OR7A5: variants seen among roughly 807,000 people sequenced by gnomAD.
OR7A5 encodes the protein olfactory receptor family 7 subfamily A member 5, also known as olfactory receptor 7A5.
For missense variants in OR7A5, 319 were observed against 377.9 expected, an observed-to-expected ratio of 0.84 and a Z score of 1.29; for synonymous variants, 140 against 146.7, an observed-to-expected ratio of 0.95 and a Z score of 0.33.
intron 1 of OR7A5, among the ~76,000 whole-genome samples, chr19:14,833,930 TC>T (rs2044858991): frequency 6.6e-6 from 1 of 152,158 alleles, no homozygotes; most frequent in Non-Finnish European, 1.5e-5. Context: ...TGTCATAATG[TC>T]TTGTGGAAAC....
chr19:14,828,196 C>T lies in OR7A5; in HGVS notation c.46G>A (p.Gly16Arg), dbSNP rs778755183. The change falls in exon 2 of 2, where the codon GGA (glycine) becomes AGA (arginine). Residue 16 changes from glycine (G) to arginine (R), a missense_variant. Coordinates refer to ENST00000322301, the MANE Select transcript of OR7A5 (RefSeq NM_017506.2). ...DTQISEFLLL[G>R]FSQEPGLQPF... ...TGCAGTCCAGGTTCTTGTGAAAATCCCAGAAGAAGAAATTCTGAAATTTGT... is the reference window on the plus strand; with the variant it reads ...TGCAGTCCAGGTTCTTGTGAAAATCTCAGAAGAAGAAATTCTGAAATTTGT... 1 of 1,612,964 alleles carries T rather than the reference C, an allele frequency of 6.2e-7. No homozygotes were observed. Among genetic ancestry groups the T allele is most frequent in the African/African-American group, 1.3e-5 (1 of 74,792 alleles).
intron 1 of OR7A5, among the ~76,000 whole-genome samples, chr19:14,831,271 C>T (rs1335510055): frequency 1.3e-5 from 2 of 152,062 alleles, no homozygotes; most frequent in African/African-American, 4.8e-5. Flanking sequence ...AAGAAACATA[C>T]AAACAATGAC....
chr19:14,828,627 C>T (rs978964078), intron 1 of OR7A5, among the ~76,000 whole-genome samples: 12 of 151,908 alleles, frequency 7.9e-5, no homozygotes, highest in Admixed American at 6.6e-4. Context: ...GGTGTAGTGG[C>T]ATGCGCCTGT....
rs142303444 is a variant in OR7A5, at chr19:14,827,822, G to T, written c.420C>A (p.Leu140=). The change falls in exon 2 of 2, where the codon CTC becomes CTA. Residue 140 remains leucine, a synonymous_variant. Coordinates refer to ENST00000322301, the MANE Select transcript of OR7A5 (RefSeq NM_017506.2). The stretch of plus-strand genomic sequence containing the variant: ...AGGATGCTAGAACCAGCAGTCCACA[G>T]AGGTGAGGGTTCATAATGACCATGT... ...LHYMVIMNPH[L]CGLLVLASWT... is the part of the protein sequence containing the mutation. The T allele has an allele frequency of 3.8e-4, 618 of 1,614,224 alleles. 1 individual carries two copies. In the Middle Eastern group the frequency reaches 0.011, roughly 28 times the overall value.
chr19:14,833,630 T>A (rs10414568), intron 1 of OR7A5, among the ~76,000 whole-genome samples: 43,277 of 152,138 alleles, frequency 0.28, 6,762 homozygotes, highest in East Asian at 0.56. Flanking sequence ...TTTTTATGGC[T>A]AATAAATTTC....
chr19:14,827,640 A>G lies in OR7A5; in HGVS notation c.602T>C (p.Phe201Ser). The change falls in exon 2 of 2, where the codon TTT becomes TCT. Residue 201 changes from phenylalanine to serine, a missense_variant. Coordinates refer to ENST00000322301, the MANE Select transcript of OR7A5 (RefSeq NM_017506.2). Reference sequence around the variant, plus strand: ...ACCTCCACCCAGCAGCGCAACTGTAAAATATATCACCATGTGATTAAGAAA... The same window carrying G: ...ACCTCCACCCAGCAGCGCAACTGTAGAATATATCACCATGTGATTAAGAAA... ...DSFLNHMVIY[F>S]TVALLGGGPL... 6.2e-7 allele frequency: 1 copy of G among 1,614,208 alleles called. No homozygotes were observed. The highest frequency in any genetic ancestry group is 8.5e-7 in the Non-Finnish European group (1 of 1,180,036).
intron 1 of OR7A5, among the ~76,000 whole-genome samples, chr19:14,829,602 T>C (rs1416286309): frequency 6.6e-6 from 1 of 152,182 alleles, no homozygotes; most frequent in Non-Finnish European, 1.5e-5. Context: ...CAGAGGATGT[T>C]GCAGAATAAG....
chr19:14,827,905 A>G lies in OR7A5; in HGVS notation c.337T>C (p.Phe113Leu). The change falls in exon 2 of 2, where the codon TTC becomes CTC. Residue 113 changes from phenylalanine to leucine, a missense_variant. Transcript: ENST00000322301. ...FFILFAGFEN[F>L]LLSVMAYDRF... ...TCATAGGCCATCACGGACAGGAGGAAGTTTTCAAATCCAGCAAAGAGTATG... is the reference window on the plus strand; with the variant it reads ...TCATAGGCCATCACGGACAGGAGGAGGTTTTCAAATCCAGCAAAGAGTATG... 1 of 1,614,188 alleles carries G rather than the reference A, an allele frequency of 6.2e-7. No individual in the cohort carries two copies. Among genetic ancestry groups the G allele is most frequent in the Non-Finnish European group, 8.5e-7 (1 of 1,180,038 alleles).
chr19:14,832,894 TC>T lies in OR7A5; in HGVS notation c.-14+2179del, dbSNP rs1344390819. 1.6e-3 allele frequency among the ~76,000 whole-genome samples: 244 copies of T among 152,336 alleles called. 1 individual carries two copies. The highest frequency in any genetic ancestry group is 5.7e-3 in the African/African-American group (237 of 41,578). On this transcript the variant is annotated intron_variant, in intron 1 of 1. Coordinates refer to ENST00000322301, the MANE Select transcript of OR7A5 (RefSeq NM_017506.2). The stretch of plus-strand genomic sequence containing the variant: ...CTGACATGCTATAATAATAATTTAA[TC>T]ATATCAACATAAATTAATAAATTGG...
chr19:14,827,879 G>A lies in OR7A5; in HGVS notation c.363C>T (p.Asp121=). Residue 121 remains aspartate, a synonymous_variant, in exon 2 of 2, where the codon GAC becomes GAT. Transcript: ENST00000322301. ...ENFLLSVMAY[D]RFVAICHPLH... Reference sequence around the variant, plus strand: ...GGGGGTGACAGATGGCCACAAACCGGTCATAGGCCATCACGGACAGGAGGA... The same window carrying A: ...GGGGGTGACAGATGGCCACAAACCGATCATAGGCCATCACGGACAGGAGGA... The A allele has an allele frequency of 1.2e-6, 2 of 1,614,196 alleles. No individual in the cohort carries two copies. Among genetic ancestry groups the A allele is most frequent in the South Asian group, 2.2e-5 (2 of 91,082 alleles).
intron 1 of OR7A5, among the ~76,000 whole-genome samples, chr19:14,830,949 A>C (rs1434668227): frequency 2.0e-5 from 3 of 152,138 alleles, no homozygotes. Context: ...GTACCGCACA[A>C]AGCCCTCTTC....
chr19:14,833,417 T>G (rs1855233025), intron 1 of OR7A5, among the ~76,000 whole-genome samples: 1 of 152,210 alleles, frequency 6.6e-6, no homozygotes, highest in Admixed American at 6.5e-5. Context: ...AAGCGAAGGT[T>G]GCAGTGAGCC....
chr19:14,831,695 G>A (rs1412867608), intron 1 of OR7A5, among the ~76,000 whole-genome samples: 3 of 151,992 alleles, frequency 2.0e-5, no homozygotes, highest in Non-Finnish European at 4.4e-5. Context: ...CGCCTGCCTC[G>A]GCCTCCCAAA....
chr19:14,833,598 T>A (rs2145088276), intron 1 of OR7A5, among the ~76,000 whole-genome samples: 1 of 152,348 alleles, frequency 6.6e-6, no homozygotes, highest in Non-Finnish European at 1.5e-5. Flanking sequence ...AGGTATATAT[T>A]TAACTAAAGA....
rs544898236 is a variant in OR7A5 at position 14,832,398 on chromosome 19, C to T, written c.-14+2676G>A. Among the ~76,000 whole-genome samples, 13 of 140,094 alleles carry T rather than the reference C, an allele frequency of 9.3e-5. No individual in the cohort carries two copies. The South Asian group carries it at 3.2e-3, about 35-fold the overall frequency. The allele number at this position is 140,094 out of a possible 152,430, so 91.9% of individuals were successfully genotyped here. A position where few individuals can be genotyped will look rare whatever the true frequency, so the allele number is the denominator to read the frequency against. ...CCCTCCTTCCCTCCCTCCCTCCCTT[C>T]CTTCCTTCTCTCTCTCTTTCTTTCT... On this transcript the variant is annotated intron_variant, in intron 1 of 1. Transcript: ENST00000322301.
At chr19:14,830,567 TA>T (rs1258572698) in intron 1 of OR7A5, among the ~76,000 whole-genome samples, 4 of 152,176 alleles carry the variant, frequency 2.6e-5, no homozygotes, top group African/African-American at 7.2e-5. Flanking sequence ...GCAAAATAAA[TA>T]AAAGATCAAA....
Position 14,827,045 on chromosome 19 carries a change from T to G in OR7A5, c.*237A>C. 4 of 356,000 alleles carry G rather than the reference T, an allele frequency of 1.1e-5. No homozygotes were observed. The highest frequency in any genetic ancestry group is 4.2e-5 in the African/African-American group (2 of 47,496). The allele number at this position is 356,000 out of a possible 1,614,324, so 22.1% of individuals were successfully genotyped here. A position where few individuals can be genotyped will look rare whatever the true frequency, so the allele number is the denominator to read the frequency against. ...ATGGAAATCTCCAAAGTGTTTCTGATCCAAAGTCGGAAATAACCTTGAGAA... is the reference window on the plus strand; with the variant it reads ...ATGGAAATCTCCAAAGTGTTTCTGAGCCAAAGTCGGAAATAACCTTGAGAA... On this transcript the variant is annotated 3_prime_UTR_variant, in exon 2 of 2. Transcript: ENST00000322301.
Position 14,827,206 on chromosome 19 carries a change from T to C in OR7A5, c.*76A>G. ...CTCCCAGAAATATAATAAGTATTAA[T>C]AGAAGGAGCAAGTTCTATTTCCACT... is the stretch of plus-strand genomic sequence containing the variant. On this transcript the variant is annotated 3_prime_UTR_variant, in exon 2 of 2. Transcript: ENST00000322301. The C allele has an allele frequency of 7.1e-7, 1 of 1,402,448 alleles. No individual in the cohort carries two copies. The highest frequency in any genetic ancestry group is 9.5e-7 in the Non-Finnish European group (1 of 1,054,206). The allele number at this position is 1,402,448 out of a possible 1,614,324, so 86.9% of individuals were successfully genotyped here. A position where few individuals can be genotyped will look rare whatever the true frequency, so the allele number is the denominator to read the frequency against.
rs1478600782 is a variant in OR7A5 at position 14,828,124 on chromosome 19, GCA to G, written c.116_117del (p.Val39AlafsTer31). The G allele has an allele frequency of 6.2e-7, 1 of 1,614,012 alleles. No homozygotes were observed. The highest frequency in any genetic ancestry group is 8.5e-7 in the Non-Finnish European group (1 of 1,180,038). On this transcript the variant is annotated frameshift_variant, in exon 2 of 2. Coordinates refer to ENST00000322301, the MANE Select transcript of OR7A5 (RefSeq NM_017506.2). LOFTEE classifies it low-confidence loss of function (END_TRUNC). ...GCCAGGATGATGAGCAGGTTCCCGA[GCA>G]CAGTGACCAGGTACATGGACAGGAA... is the stretch of plus-strand genomic sequence containing the variant. ...GLFLSMYLVT[V>X]LGNLLIILAT...
Sources: allele counts gnomAD v4.1 joint callset (sites outside exome capture counted in the v4.1 genomes callset), GRCh38; gene constraint gnomAD v4.1.1; transcripts MANE v1.5; gene names NCBI Gene and HGNC (gene_info 2026-07-23, HGNC 2026-07-21).